Variants in CLNK observed in about 807,000 individuals in gnomAD.
CLNK encodes the protein cytokine dependent hematopoietic cell linker.
A neutral mutation model predicts 68.6 loss-of-function variants in CLNK; 74 were observed. That is an observed-to-expected ratio of 1.08 (90% CI 0.89 to 1.31). The LOEUF (loss-of-function observed/expected upper bound fraction) is 1.31, where lower values mean the gene tolerates loss of function less well. Ranked by LOEUF, CLNK falls within the 50% of genes most tolerant of loss-of-function variation. The pLI is 0.00. For missense variants in CLNK, 553 were observed against 515.3 expected (o/e 1.07, Z -0.71); for synonymous variants, 198 against 172.2 (o/e 1.15, Z -1.17).
At chr4:10,714,229 A>C in the CLNK span, among the ~76,000 whole-genome samples, 1 of 152,236 alleles carries the variant, frequency 6.6e-6, no homozygotes, top group Admixed American at 6.5e-5. Context: ...TTTAAATAGT[A>C]ACAAACATTT....
intron 2 of CLNK, among the ~76,000 whole-genome samples, chr4:10,657,274 C>G (rs968777634): frequency 1.3e-5 from 2 of 152,104 alleles, no homozygotes; most frequent in African/African-American, 4.8e-5. Flanking sequence ...AAGATAAAAG[C>G]AAGTGAATGA....
chr4:10,492,730 A>G (rs2109016699), intron 18 of CLNK, among the ~76,000 whole-genome samples: 1 of 152,248 alleles, frequency 6.6e-6, no homozygotes, highest in Admixed American at 6.5e-5. Flanking sequence ...GGGGTGTGTG[A>G]AGAGCAAACA....
At chr4:10,679,864 A>T (rs1425551120) in intron 1 of CLNK, among the ~76,000 whole-genome samples, 2 of 152,128 alleles carry the variant, frequency 1.3e-5, no homozygotes, top group Non-Finnish European at 2.9e-5. Context: ...AAGTCAGGAA[A>T]CAACAGGTGC....
chr4:10,730,568 G>A, the CLNK span, among the ~76,000 whole-genome samples: 2 of 152,072 alleles, frequency 1.3e-5, no homozygotes, highest in Non-Finnish European at 2.9e-5. Flanking sequence ...GCAACTACAA[G>A]TGAAGTATGT....
chr4:10,606,730 C>T (rs1263057272), intron 2 of CLNK, among the ~76,000 whole-genome samples: 1 of 152,116 alleles, frequency 6.6e-6, no homozygotes, highest in Non-Finnish European at 1.5e-5. Context: ...ATAGAAGGCC[C>T]ATCATTCACC....
intron 2 of CLNK, among the ~76,000 whole-genome samples, chr4:10,645,485 A>G (rs1467432842): frequency 5.3e-5 from 8 of 152,222 alleles, no homozygotes; most frequent in Non-Finnish European, 1.0e-4. Context: ...GCTTAAATAG[A>G]AATGACACAA....
the CLNK span, among the ~76,000 whole-genome samples, chr4:10,719,603 T>C: frequency 7.9e-5 from 12 of 152,078 alleles, no homozygotes; most frequent in Admixed American, 3.9e-4. Flanking sequence ...AAGAAATAGA[T>C]GAATTCACAA....
chr4:10,612,102 A>G (rs1416420129), intron 2 of CLNK, among the ~76,000 whole-genome samples: 1 of 152,174 alleles, frequency 6.6e-6, no homozygotes, highest in East Asian at 1.9e-4. Flanking sequence ...CTTGTTCCAG[A>G]CCCATCTCTC....
chr4:10,598,656 C>A, intron 2 of CLNK: 1 of 445,076 alleles, frequency 2.2e-6, no homozygotes, highest in Non-Finnish European at 4.5e-6. Context: ...ACTTATTTTT[C>A]ATTGAGTTAA....
chr4:10,693,731 T>C, the CLNK span, among the ~76,000 whole-genome samples: 1 of 152,236 alleles, frequency 6.6e-6, no homozygotes, highest in Non-Finnish European at 1.5e-5. Context: ...TGAAAATTCC[T>C]ATAGAAAAAC....
At chr4:10,580,434 G>A (rs764007328) in intron 4 of CLNK, among the ~76,000 whole-genome samples, 29 of 152,078 alleles carry the variant, frequency 1.9e-4, no homozygotes, top group Non-Finnish European at 3.7e-4. Context: ...ACAGTCTCAG[G>A]CAGGCCCTTT....
chr4:10,551,074 C>T (rs142956854), intron 8 of CLNK, among the ~76,000 whole-genome samples: 85 of 152,170 alleles, frequency 5.6e-4, no homozygotes, highest in African/African-American at 2.0e-3. Context: ...AAACAGCATG[C>T]GAGTTAACAT....
chr4:10,552,439 G>A (rs1719499197), intron 8 of CLNK, among the ~76,000 whole-genome samples: 1 of 152,170 alleles, frequency 6.6e-6, no homozygotes, highest in East Asian at 1.9e-4. Context: ...AGTTATTCCT[G>A]CAGATAACAC....
At chr4:10,527,670 G>A (rs1405537650) in intron 13 of CLNK, among the ~76,000 whole-genome samples, 2 of 152,188 alleles carry the variant, frequency 1.3e-5, no homozygotes, top group Non-Finnish European at 2.9e-5. Flanking sequence ...TTAGAGGTAT[G>A]GGCACGTGTG....
intron 2 of CLNK, among the ~76,000 whole-genome samples, chr4:10,636,986 G>C (rs879268463): frequency 6.6e-6 from 1 of 152,170 alleles, no homozygotes; most frequent in East Asian, 1.9e-4. Flanking sequence ...AACCCCAGGG[G>C]CTGGGCACTA....
At chr4:10,657,825 G>A (rs1042981348) in intron 2 of CLNK, among the ~76,000 whole-genome samples, 3 of 152,076 alleles carry the variant, frequency 2.0e-5, no homozygotes, top group Non-Finnish European at 4.4e-5. Flanking sequence ...TCTTCTCCCC[G>A]CCAATCGAGA....
chr4:10,589,723 A>G (rs917251436), intron 3 of CLNK, among the ~76,000 whole-genome samples: 3 of 152,198 alleles, frequency 2.0e-5, no homozygotes, highest in African/African-American at 7.2e-5. Flanking sequence ...CATTGTCTTG[A>G]CACAAGCAAT....
Position 10,649,170 on chromosome 4 carries a change from T to C in CLNK, c.11+18689A>G, listed in dbSNP as rs573898419. Among the ~76,000 whole-genome samples, 4 of 152,172 alleles carry C rather than the reference T, an allele frequency of 2.6e-5. No individual in the cohort carries two copies. In the East Asian group the frequency reaches 7.7e-4, roughly 29 times the overall value. ...TGAAAAACGTAAAATCCTACTTCCT[T>C]CTATTTTAACTATAATTTTATTAAA... On this transcript the variant is annotated intron_variant, in intron 2 of 18. Transcript: ENST00000226951.
rs1438113178 is a variant in CLNK, at chr4:10,501,536, T to TA, written c.985-126dup. The TA allele has an allele frequency of 8.8e-6, 8 of 906,216 alleles. No homozygotes were observed. The Admixed American group carries it at 2.4e-4, about 27-fold the overall frequency. 56.1% of individuals were successfully genotyped at this position (906,216 alleles called of 1,614,324 possible). A position where few individuals can be genotyped will look rare whatever the true frequency, so the allele number is the denominator to read the frequency against. ...GGATTTAGTTTTTGGTAAACCACTT[T>TA]AATTCAGTAAGTTTTTACTGAGTGT... On this transcript the variant is annotated intron_variant, in intron 17 of 18. Coordinates refer to ENST00000226951, the MANE Select transcript of CLNK (RefSeq NM_052964.4).
Sources: gnomAD v4.1 joint callset for allele counts (sites outside exome capture counted in the v4.1 genomes callset) on GRCh38, gnomAD v4.1.1 for gene constraint, MANE v1.5 for transcripts, NCBI Gene and HGNC (gene_info 2026-07-23, HGNC 2026-07-21) for gene names.